LRBA: variants seen among roughly 807,000 people sequenced by gnomAD.
LRBA encodes lipopolysaccharide-responsive and beige-like anchor protein.
In LRBA, 176 loss-of-function variants were observed where a neutral mutation model predicts 330.0. The observed-to-expected ratio is 0.53, with a 90% CI of 0.47 to 0.60. The LOEUF is 0.60. Among genes scored for constraint, LRBA ranks in the 20% least tolerant of loss-of-function variants. The pLI is 0.00. For missense variants in LRBA, 3,259 were observed against 3,444.8 expected (o/e 0.95, Z 1.35); for synonymous variants, 1,230 against 1,193.0 (o/e 1.03, Z -0.64).
intron 47 of LRBA, among the ~76,000 whole-genome samples, chr4:150,401,508 G>GTATACATTACATTA (rs1745464537): frequency 6.6e-6 from 1 of 152,052 alleles, no homozygotes; most frequent in Admixed American, 6.6e-5. Flanking sequence ...ACTTTGTAAT[G>GTATACATTACATTA]GCAGCCCTAG....
chr4:150,689,276 G>A (rs536050465), intron 36 of LRBA, among the ~76,000 whole-genome samples: 6 of 152,004 alleles, frequency 3.9e-5, no homozygotes, highest in East Asian at 3.9e-4. Flanking sequence ...ATATGGGCAC[G>A]GAGAGGGGAA....
At chr4:150,626,876 G>C (rs1776913564) in intron 37 of LRBA, among the ~76,000 whole-genome samples, 1 of 152,040 alleles carries the variant, frequency 6.6e-6, no homozygotes, top group African/African-American at 2.4e-5. Flanking sequence ...GATTCAAATT[G>C]AAAGACAATA....
chr4:150,978,888 TCTAG>T (rs1740519741), intron 2 of LRBA, among the ~76,000 whole-genome samples: 1 of 151,666 alleles, frequency 6.6e-6, no homozygotes, highest in South Asian at 2.1e-4. Context: ...GCCTACAAGA[TCTAG>T]AAAACAGCCT....
chr4:150,302,700 A>T lies in LRBA; in HGVS notation c.7942T>A (p.Ser2648Thr). 6.2e-7 allele frequency: 1 copy of T among 1,613,272 alleles called. No homozygotes were observed. The highest frequency in any genetic ancestry group is 8.5e-7 in the Non-Finnish European group (1 of 1,179,450). Residue 2648 changes from serine to threonine, a missense_variant, in exon 53 of 57, where the codon TCA (serine) becomes ACA (threonine). Coordinates refer to ENST00000651943, the MANE Select transcript of LRBA (RefSeq NM_001364905.1). ...AAAAGAGTTGCATCACGTGACCCTG[A>T]GAGAATGTAGCAATTTCCCCCAATA... ...SYIGGNCYILSGSRDATLLLW... is the reference protein window; with the variant it reads ...SYIGGNCYILTGSRDATLLLW...
intron 40 of LRBA, among the ~76,000 whole-genome samples, chr4:150,549,190 T>C (rs1349499023): frequency 6.6e-6 from 1 of 152,080 alleles, no homozygotes; most frequent in Non-Finnish European, 1.5e-5. Context: ...GGTAGCTCTG[T>C]CCTATTACCA....
intron 47 of LRBA, among the ~76,000 whole-genome samples, chr4:150,407,562 C>A (rs1746375609): frequency 6.6e-6 from 1 of 152,162 alleles, no homozygotes; most frequent in African/African-American, 2.4e-5. Context: ...GAACACTCAA[C>A]AATAGCAGAA....
chr4:150,825,523 C>T (rs997961549), intron 30 of LRBA, among the ~76,000 whole-genome samples: 11 of 152,072 alleles, frequency 7.2e-5, no homozygotes, highest in African/African-American at 1.2e-4. Context: ...CCCGCCACCA[C>T]GCGTAGATAA....
In LRBA at chr4:150,848,922, C is replaced by T. The variant is rs776224464; in HGVS notation, c.4235G>A (p.Ser1412Asn). Residue 1412 changes from serine (S) to asparagine (N), a missense_variant, in exon 26 of 57, where the codon AGC becomes AAC. By Grantham distance (46) the Ser-to-Asn change is conservative. Coordinates refer to ENST00000651943, the MANE Select transcript of LRBA (RefSeq NM_001364905.1). ...TGCAAATATAAGCACATCCACAAGG[C>T]TAATTAGCCTCTGCAAAAATGTCAC... ...ASVTFLQRLI[S>N]LVDVLIFASS... The T allele has an allele frequency of 1.2e-6, 2 of 1,612,648 alleles. No homozygotes were observed. Among genetic ancestry groups the T allele is most frequent in the Non-Finnish European group, 1.7e-6 (2 of 1,179,194 alleles).
intron 37 of LRBA, among the ~76,000 whole-genome samples, chr4:150,663,731 T>A (rs890572378): frequency 6.6e-6 from 1 of 152,144 alleles, no homozygotes; most frequent in African/African-American, 2.4e-5. Context: ...AAGTACTTTA[T>A]AGTATACTGG....
At chr4:150,471,426 G>A (rs933563838) in intron 43 of LRBA, among the ~76,000 whole-genome samples, 198 bp downstream of exon 43, 1 of 152,116 alleles carries the variant, frequency 6.6e-6, no homozygotes, top group African/African-American at 2.4e-5. Flanking sequence ...CTAGAATCAT[G>A]TAAACATTCA....
chr4:150,906,106 C>G lies in LRBA; in HGVS notation c.1603-116G>C, dbSNP rs564671100. 8 of 895,570 alleles carry G rather than the reference C, an allele frequency of 8.9e-6. No homozygotes were observed. In the South Asian group the frequency reaches 1.2e-4, roughly 13 times the overall value. The allele number at this position is 895,570 out of a possible 1,614,324, so 55.5% of individuals were successfully genotyped here. ...AAATTATGCTCAAAGTTAAAGATGC[C>G]ATGAAGCTCACTATCACATTTGTTT... On this transcript the variant is annotated intron_variant, in intron 12 of 56. Transcript: ENST00000651943.
intron 40 of LRBA, among the ~76,000 whole-genome samples, chr4:150,566,386 C>A (rs1419461558): frequency 2.0e-5 from 3 of 151,846 alleles, no homozygotes; most frequent in African/African-American, 4.8e-5. Flanking sequence ...ACTTTCATGA[C>A]CTCTGAAGAT....
chr4:150,596,608 C>A (rs1035035084), intron 38 of LRBA, among the ~76,000 whole-genome samples: 6 of 151,782 alleles, frequency 4.0e-5, no homozygotes, highest in Admixed American at 1.3e-4. Context: ...ATGTTAAAAT[C>A]TGTAATTTCA....
chr4:150,776,371 A>G (rs904958334), intron 34 of LRBA, among the ~76,000 whole-genome samples: 1 of 152,172 alleles, frequency 6.6e-6, no homozygotes, highest in Non-Finnish European at 1.5e-5. Flanking sequence ...TCAACAACCA[A>G]AAACATTTGA....
At chr4:151,002,196 CAAAA>C (rs143587760) in intron 2 of LRBA, among the ~76,000 whole-genome samples, 5 of 24,390 alleles carry the variant, frequency 2.1e-4, no homozygotes, top group African/African-American at 4.9e-4. Context: ...CATAAAACAG[CAAAA>C]AAAAAAAAAA....
At chr4:150,841,973 T>C (rs1045943734) in intron 28 of LRBA, among the ~76,000 whole-genome samples, 4 of 152,152 alleles carry the variant, frequency 2.6e-5, no homozygotes, top group African/African-American at 9.7e-5. Flanking sequence ...TCCTTTTTCA[T>C]CATAGGTTCC....
intron 47 of LRBA, among the ~76,000 whole-genome samples, chr4:150,388,935 T>C (rs968273884): frequency 6.6e-6 from 1 of 152,148 alleles, no homozygotes; most frequent in Admixed American, 6.5e-5. Context: ...TAATGGACCA[T>C]GCAGGTTTCC....
intron 40 of LRBA, chr4:150,581,229 A>G: frequency 2.9e-6 from 1 of 344,840 alleles, no homozygotes; most frequent in Admixed American, 3.7e-5. Context: ...TGAAATAATT[A>G]TCAAACAAGG....
intron 37 of LRBA, among the ~76,000 whole-genome samples, chr4:150,644,432 T>C (rs960485721): frequency 1.6e-4 from 25 of 152,044 alleles, no homozygotes; most frequent in African/African-American, 6.0e-4. Context: ...CATTTACAGA[T>C]GGTAAGTTAA....
Sources: allele counts gnomAD v4.1 joint callset (sites outside exome capture counted in the v4.1 genomes callset), GRCh38; gene constraint gnomAD v4.1.1; transcripts MANE v1.5; gene names NCBI Gene and HGNC (gene_info 2026-07-23, HGNC 2026-07-21).